Variants in PLEKHH1 observed in about 807,000 individuals in gnomAD.
PLEKHH1 encodes the protein pleckstrin homology, MyTH4 and FERM domain containing H1.
In PLEKHH1, 104 loss-of-function variants were observed where a neutral mutation model predicts 160.0. The ratio of observed to expected loss-of-function variants is 0.65; its 90% CI spans 0.55 to 0.76. The LOEUF is 0.76. Ranked by LOEUF, PLEKHH1 falls within the 30% of genes least tolerant of loss-of-function variation. The probability of loss-of-function intolerance (pLI) is 0.00; values close to 1 mark genes in which losing one functional copy is unlikely to be tolerated. For synonymous variants in PLEKHH1, 619 were observed against 678.4 expected, an observed-to-expected ratio of 0.91 and a Z score of 1.36; for missense variants, 1,427 against 1,724.1, an observed-to-expected ratio of 0.83 and a Z score of 3.05.
chr14:67,578,011 G>T lies in PLEKHH1; in HGVS notation c.2575-12G>T, dbSNP rs1046321421. On this transcript the variant is annotated splice_polypyrimidine_tract_variant and intron_variant, in intron 18 of 28. Coordinates refer to ENST00000329153, the MANE Select transcript of PLEKHH1 (RefSeq NM_020715.3). This position sits in a 1 kb window ranked among gnomAD's most constrained non-coding sequence, Gnocchi z 5.0. ...TGCTGGTCTGCCTGTGCTCACTGCT[G>T]TTCCCTCCCAGTCCTGCCAGCTCTT... 1 of 1,611,536 alleles carries T rather than the reference G, an allele frequency of 6.2e-7. No individual in the cohort carries two copies. The highest frequency in any genetic ancestry group is 1.3e-5 in the African/African-American group (1 of 74,836).
chr14:67,571,728 G>A (rs1023679014), intron 9 of PLEKHH1, 24 bp from the exon 10 acceptor site: 4 of 1,605,000 alleles, frequency 2.5e-6, no homozygotes, highest in South Asian at 1.1e-5. Context: ...CTGAGCTGCA[G>A]TGAGGGAGGG....
chr14:67,580,071 T>C, intron 22 of PLEKHH1, 195 bp downstream of exon 22: 2 of 571,420 alleles, frequency 3.5e-6, no homozygotes, highest in Non-Finnish European at 3.1e-6. Context: ...TGTGTGCCCT[T>C]GTCTCTGGAG....
chr14:67,541,154 T>C (rs1170530463), intron 1 of PLEKHH1, among the ~76,000 whole-genome samples: 1 of 152,218 alleles, frequency 6.6e-6, no homozygotes, highest in East Asian at 1.9e-4. Flanking sequence ...AAATAGAAGA[T>C]TGTCAAAGAC....
intron 1 of PLEKHH1, among the ~76,000 whole-genome samples, chr14:67,537,773 C>T (rs989471840): frequency 1.3e-5 from 2 of 152,184 alleles, no homozygotes; most frequent in African/African-American, 4.8e-5. Flanking sequence ...CTGATACAGA[C>T]TCTGAGTCTG....
chr14:67,578,198 AG>A lies in PLEKHH1; in HGVS notation c.2751+1del. On this transcript the variant is annotated frameshift_variant and splice_region_variant, in exon 19 of 29. Transcript: ENST00000329153. LOFTEE classifies it high-confidence loss of function. This position sits in a 1 kb window ranked among gnomAD's most constrained non-coding sequence, Gnocchi z 5.0. ...CCACCTCAGAAGTACTCCCTCATGCAGGTAGGCATGCCAGGGGTGGAGCAGC... is the reference window on the plus strand; with the variant it reads ...CCACCTCAGAAGTACTCCCTCATGCAGTAGGCATGCCAGGGGTGGAGCAGC... ...CRPPQKYSLM[Q>X]CWQLLALCAP... The A allele has an allele frequency of 3.1e-6, 5 of 1,612,776 alleles. No individual in the cohort carries two copies. The highest frequency in any genetic ancestry group is 4.2e-6 in the Non-Finnish European group (5 of 1,179,032).
At position 67,573,668 on chromosome 14, in the gene PLEKHH1, A is replaced by G; in HGVS notation, c.1840-133A>G. 1.4e-6 allele frequency: 1 copy of G among 708,816 alleles called. No individual in the cohort carries two copies. Among genetic ancestry groups the G allele is most frequent in the East Asian group, 2.6e-5 (1 of 38,116 alleles). The allele number at this position is 708,816 out of a possible 1,614,324, so 43.9% of individuals were successfully genotyped here. On this transcript the variant is annotated intron_variant, in intron 12 of 28. Transcript: ENST00000329153. This position sits in a 1 kb window ranked among gnomAD's most constrained non-coding sequence, Gnocchi z 4.8. ...AACCAGAATCTAGAATAAGTCACCC[A>G]TCATAACACAGCCAGAATGCTGGGA...
Position 67,562,473 on chromosome 14 carries a change from C to T in PLEKHH1, c.842C>T (p.Ser281Phe). ...KLLTFRCSSA[S>F]WGEGLVTAQR... is the part of the protein sequence containing the mutation. ...CTTACCTTCAGATGTAGTTCAGCTT[C>T]CTGGGGTGAGGGTCTGGTTACTGCT... Residue 281 changes from serine to phenylalanine, a missense_variant, in exon 7 of 29, where the codon TCC (serine) becomes TTC (phenylalanine). Coordinates refer to ENST00000329153, the MANE Select transcript of PLEKHH1 (RefSeq NM_020715.3). The T allele has an allele frequency of 6.2e-7, 1 of 1,613,754 alleles. No homozygotes were observed. Among genetic ancestry groups the T allele is most frequent in the Non-Finnish European group, 8.5e-7 (1 of 1,179,664 alleles).
chr14:67,561,338 A>G (rs2034828240), intron 5 of PLEKHH1, among the ~76,000 whole-genome samples: 1 of 152,178 alleles, frequency 6.6e-6, no homozygotes, highest in East Asian at 1.9e-4. Context: ...ATTGCTCGAC[A>G]CTAGGAGTTT....
chr14:67,534,595 A>G (rs2033622943), intron 1 of PLEKHH1, among the ~76,000 whole-genome samples: 1 of 152,028 alleles, frequency 6.6e-6, no homozygotes, highest in African/African-American at 2.4e-5. Flanking sequence ...TTCCTAACGT[A>G]TGGTTCAGTC....
Position 67,561,943 on chromosome 14 carries a change from T to C in PLEKHH1, c.424-11T>C. ...TGGGTGTCCTAAATCTTCATTTTTC[T>C]TTTTGCTCAGCTTGAGATGGAGAAT... is the stretch of plus-strand genomic sequence containing the variant. On this transcript the variant is annotated splice_polypyrimidine_tract_variant and intron_variant, in intron 5 of 28. Coordinates refer to ENST00000329153, the MANE Select transcript of PLEKHH1 (RefSeq NM_020715.3). 1 of 1,608,806 alleles carries C rather than the reference T, an allele frequency of 6.2e-7. No individual in the cohort carries two copies. The highest frequency in any genetic ancestry group is 1.7e-5 in the Admixed American group (1 of 60,000).
At position 67,557,301 on chromosome 14, in the gene PLEKHH1, C is replaced by T; in HGVS notation, c.222C>T (p.Ser74=). ...VGVMEEKVKL[S]NLKNVDSEGS... The stretch of plus-strand genomic sequence containing the variant: ...TCATGGAAGAGAAGGTAAAACTATC[C>T]AATCTGAAGAATGTGGACTCTGAGG... The change falls in exon 4 of 29, where the codon TCC becomes TCT. Residue 74 remains serine, a synonymous_variant. Coordinates refer to ENST00000329153, the MANE Select transcript of PLEKHH1 (RefSeq NM_020715.3). 6.2e-7 allele frequency: 1 copy of T among 1,613,572 alleles called. No homozygotes were observed. The highest frequency in any genetic ancestry group is 8.5e-7 in the Non-Finnish European group (1 of 1,179,558).
At chr14:67,551,468 A>G (rs151035998) in intron 2 of PLEKHH1, among the ~76,000 whole-genome samples, 1 of 152,074 alleles carries the variant, frequency 6.6e-6, no homozygotes, top group African/African-American at 2.4e-5. Context: ...TTATATATAT[A>G]TATTTTTTAC....
At chr14:67,540,280 ATAT>A (rs1235399720) in intron 1 of PLEKHH1, among the ~76,000 whole-genome samples, 2 of 152,288 alleles carry the variant, frequency 1.3e-5, no homozygotes, top group African/African-American at 4.8e-5. Context: ...CAAATCCCAG[ATAT>A]TATATTATTT....
chr14:67,579,680 C>T, intron 21 of PLEKHH1, 41 bp from the exon 22 acceptor site: 2 of 1,597,100 alleles, frequency 1.3e-6, no homozygotes, highest in Non-Finnish European at 1.7e-6. Flanking sequence ...GAGCTCCTCT[C>T]AGGAGGTTCA....
At chr14:67,584,707 T>G (rs1403748583) in intron 26 of PLEKHH1, among the ~76,000 whole-genome samples, 1 of 152,234 alleles carries the variant, frequency 6.6e-6, no homozygotes, top group Non-Finnish European at 1.5e-5. Context: ...CTATGTCCAG[T>G]GCTGGTTGTT....
chr14:67,581,175 T>C, intron 23 of PLEKHH1, 137 bp downstream of exon 23: 1 of 631,786 alleles, frequency 1.6e-6, no homozygotes, highest in East Asian at 2.7e-5. Context: ...AGTCACTAGC[T>C]GGGGTGCAGG....
At chr14:67,548,090 A>G (rs1305133653) in intron 2 of PLEKHH1, among the ~76,000 whole-genome samples, 1 of 151,784 alleles carries the variant, frequency 6.6e-6, no homozygotes, top group Admixed American at 6.6e-5. Flanking sequence ...TGCTCACATC[A>G]TTTTCCCTAG....
chr14:67,534,326 C>T (rs2033608709), intron 1 of PLEKHH1, among the ~76,000 whole-genome samples: 1 of 152,142 alleles, frequency 6.6e-6, no homozygotes, highest in African/African-American at 2.4e-5. Context: ...TGCCTGTAAT[C>T]CCAGCACTTT....
intron 1 of PLEKHH1, among the ~76,000 whole-genome samples, chr14:67,538,411 T>A (rs1168025716): frequency 6.6e-6 from 1 of 152,200 alleles, no homozygotes; most frequent in East Asian, 1.9e-4. Context: ...ATCTCAGGGA[T>A]AAAGAGAGAA....
Sources: gnomAD v4.1 joint callset for allele counts (sites outside exome capture counted in the v4.1 genomes callset) on GRCh38, gnomAD v4.1.1 for gene constraint, Gnocchi (gnomAD v3.1) non-coding constraint, MANE v1.5 for transcripts, NCBI Gene and HGNC (gene_info 2026-07-23, HGNC 2026-07-21) for gene names.